The following RXRA variants were observed in gnomAD, a reference collection of about 807,000 sequenced individuals.
RXRA encodes the protein retinoic acid receptor RXR-alpha.
RXRA carries 5 observed loss-of-function variants against 44.5 expected under a neutral mutation model. That is an observed-to-expected ratio of 0.11 (90% CI 0.06 to 0.24). The LOEUF (loss-of-function observed/expected upper bound fraction) is 0.24. RXRA is among the 10% of genes least tolerant of loss of function. RXRA has a pLI of 1.00. For missense variants in RXRA, 412 were observed against 646.5 expected (o/e 0.64, Z 3.93); for synonymous variants, 291 against 271.4 (o/e 1.07, Z -0.71).
At chr9:134,411,235 C>T (rs551172216) in intron 4 of RXRA, among the ~76,000 whole-genome samples, 26 of 152,326 alleles carry the variant, frequency 1.7e-4, no homozygotes, top group African/African-American at 5.5e-4. Context: ...ATCCATGTGC[C>T]TGGGATCATC....
rs1215078459 is a variant in RXRA, at chr9:134,385,279, T to A, written c.29-16353T>A. On this transcript the variant is annotated intron_variant, in intron 1 of 9. Transcript: ENST00000481739. ...GGCCCGGGGCTTGTCCATTGGCTGA[T>A]GGGCCACAAAAGGCATTCTGTGCCT... is the stretch of plus-strand genomic sequence containing the variant. Among the ~76,000 whole-genome samples, 6 of 152,220 alleles carry A rather than the reference T, an allele frequency of 3.9e-5. No homozygotes were observed. In the East Asian group the frequency reaches 1.2e-3, roughly 29 times the overall value.
intron 6 of RXRA, chr9:134,425,334 G>C (rs1831414267): frequency 1.0e-6 from 1 of 985,284 alleles, no homozygotes. Flanking sequence ...TTGTTCCATG[G>C]AAGCTCTGGG....
intron 1 of RXRA, among the ~76,000 whole-genome samples, chr9:134,399,924 G>T (rs994091159): frequency 1.1e-4 from 17 of 152,242 alleles, no homozygotes; most frequent in African/African-American, 4.1e-4. Flanking sequence ...GCAAGAGGGG[G>T]TGTGTGGAGC....
intron 2 of RXRA, among the ~76,000 whole-genome samples, chr9:134,406,742 C>T (rs182683274): frequency 2.1e-4 from 32 of 152,360 alleles, no homozygotes; most frequent in Admixed American, 1.7e-3. Flanking sequence ...CATGTGTGAC[C>T]TTGGCCAGCC....
chr9:134,406,625 C>T (rs1831054717), intron 2 of RXRA, among the ~76,000 whole-genome samples: 1 of 152,172 alleles, frequency 6.6e-6, no homozygotes, highest in Admixed American at 6.5e-5. Flanking sequence ...GCCTTGTCCC[C>T]TGGTGCCTCC....
rs569763246 is a variant in RXRA at position 134,402,236 on chromosome 9, A to C, written c.279+354A>C. On this transcript the variant is annotated intron_variant, in intron 2 of 9. Transcript: ENST00000481739. ...CTCAGGCCTAAGCCTGCTTCCCCAA[A>C]AGCTTGTGCCCACACAGCCTGGGTC... is the stretch of plus-strand genomic sequence containing the variant. The C allele has an allele frequency of 3.3e-5, 9 of 274,684 alleles. No homozygotes were observed. In the East Asian group the frequency reaches 4.2e-4, roughly 13 times the overall value. 17.0% of individuals were successfully genotyped at this position (274,684 alleles called of 1,614,324 possible).
intron 1 of RXRA, among the ~76,000 whole-genome samples, chr9:134,383,621 T>C (rs910010008): frequency 3.3e-5 from 5 of 152,140 alleles, no homozygotes; most frequent in Non-Finnish European, 7.4e-5. Flanking sequence ...CGCCCCACTC[T>C]GGGAACCAGG....
chr9:134,407,653 G>A lies in RXRA; in HGVS notation c.280-496G>A, dbSNP rs1477948825. On this transcript the variant is annotated intron_variant, in intron 2 of 9. Transcript: ENST00000481739. The surrounding 1 kb of genome is among the most constrained non-coding windows in gnomAD (Gnocchi z 4.8). Reference sequence around the variant, plus strand: ...GGGCCCCTGCCCTGCGGTGTTGTGGGGTGTATGTGTGGTTCTTGGGGGGGT... The same window carrying A: ...GGGCCCCTGCCCTGCGGTGTTGTGGAGTGTATGTGTGGTTCTTGGGGGGGT... 6.6e-6 allele frequency among the ~76,000 whole-genome samples: 1 copy of A among 152,050 alleles called. No homozygotes were observed.
chr9:134,396,455 G>A (rs753914211), intron 1 of RXRA, among the ~76,000 whole-genome samples: 1 of 152,154 alleles, frequency 6.6e-6, no homozygotes, highest in Non-Finnish European at 1.5e-5. Context: ...CTGGAGGTGG[G>A]TGATCCAGGA....
chr9:134,369,371 GGGGGTTGTGTGTGGGAGTACA>G (rs1479609081), intron 1 of RXRA, among the ~76,000 whole-genome samples: 5 of 125,302 alleles, frequency 4.0e-5, no homozygotes, highest in African/African-American at 6.2e-5. Context: ...GTGTGTGTGC[GGGGGTTGTGTGTGGGAGTACA>G]GGGGTTGTGT....
At chr9:134,336,290 T>A (rs140532780) in intron 1 of RXRA, among the ~76,000 whole-genome samples, 506 of 152,298 alleles carry the variant, frequency 3.3e-3, no homozygotes, top group Middle Eastern at 0.024. Flanking sequence ...CCCTCTGTCC[T>A]GTGTGACCCA....
Position 134,417,583 on chromosome 9 carries a change from G to A in RXRA, c.780+256G>A, listed in dbSNP as rs901249508. Among the ~76,000 whole-genome samples, 1 of 152,066 alleles carries A rather than the reference G, an allele frequency of 6.6e-6. No homozygotes were observed. Among genetic ancestry groups the A allele is most frequent in the Non-Finnish European group, 1.5e-5 (1 of 67,990 alleles). On this transcript the variant is annotated intron_variant, in intron 5 of 9. Transcript: ENST00000481739. The surrounding 1 kb of genome is among the most constrained non-coding windows in gnomAD (Gnocchi z 6.1). The stretch of plus-strand genomic sequence containing the variant: ...CCAGGGGCCAGGGGCCCGGGGCCTG[G>A]GGCCCTGCGGCCACATCATCATCCT...
chr9:134,401,614 C>G lies in RXRA; in HGVS notation c.29-18C>G. 6.2e-7 allele frequency: 1 copy of G among 1,612,488 alleles called. No individual in the cohort carries two copies. The highest frequency in any genetic ancestry group is 8.5e-7 in the Non-Finnish European group (1 of 1,179,874). On this transcript the variant is annotated intron_variant, in intron 1 of 9. Transcript: ENST00000481739. Reference sequence around the variant, plus strand: ...GTCACCTGCACTGACCACTCTCCTGCGGCTTCTTGTCTTGCAGATTTCTCC... The same window carrying G: ...GTCACCTGCACTGACCACTCTCCTGGGGCTTCTTGTCTTGCAGATTTCTCC...
chr9:134,372,534 G>T (rs561298186), intron 1 of RXRA, among the ~76,000 whole-genome samples: 6 of 150,832 alleles, frequency 4.0e-5, no homozygotes, highest in Non-Finnish European at 8.8e-5. Context: ...CGGCTTAGAG[G>T]GCATCACGGA....
intron 4 of RXRA, among the ~76,000 whole-genome samples, chr9:134,410,787 A>G (rs915444529): frequency 2.8e-4 from 43 of 152,238 alleles, no homozygotes; most frequent in African/African-American, 9.6e-4. Flanking sequence ...GGTTTAGCCG[A>G]GACCACTCTC....
chr9:134,390,815 C>A (rs1162889560), intron 1 of RXRA, among the ~76,000 whole-genome samples: 1 of 152,176 alleles, frequency 6.6e-6, no homozygotes, highest in Non-Finnish European at 1.5e-5. Flanking sequence ...CAGTCAGGCC[C>A]CTGCACATGA....
intron 1 of RXRA, among the ~76,000 whole-genome samples, chr9:134,335,560 G>T: frequency 6.6e-6 from 1 of 152,184 alleles, no homozygotes; most frequent in East Asian, 1.9e-4. Flanking sequence ...GCCCCTTGCT[G>T]GCTGGCTTCC....
intron 1 of RXRA, among the ~76,000 whole-genome samples, chr9:134,356,726 C>G (rs1017746903): frequency 3.3e-5 from 5 of 152,230 alleles, no homozygotes; most frequent in African/African-American, 1.2e-4. Context: ...AGTGTTCTCA[C>G]CGTTGTCCTG....
chr9:134,432,280 TC>T (rs890317904), intron 8 of RXRA, among the ~76,000 whole-genome samples: 1 of 152,230 alleles, frequency 6.6e-6, no homozygotes, highest in Non-Finnish European at 1.5e-5. Flanking sequence ...TTCATAGTGT[TC>T]ATCACTGTGC....
Sources: gnomAD v4.1 joint callset for allele counts (sites outside exome capture counted in the v4.1 genomes callset) on GRCh38, gnomAD v4.1.1 for gene constraint, Gnocchi (gnomAD v3.1) non-coding constraint, MANE v1.5 for transcripts, NCBI Gene and HGNC (gene_info 2026-07-23, HGNC 2026-07-21) for gene names.